The following MAP2 variants were observed in gnomAD, a reference collection of about 807,000 sequenced individuals.
MAP2 encodes microtubule-associated protein 2.
A neutral mutation model predicts 137.6 loss-of-function variants in MAP2; 14 were observed. The ratio of observed to expected loss-of-function variants is 0.10; its 90% confidence interval spans 0.07 to 0.16. MAP2 has a LOEUF of 0.16. MAP2 is among the 10% of genes least tolerant of loss of function. The pLI is 1.00. For missense variants in MAP2, 2,088 were observed against 2,191.5 expected (o/e 0.95, Z 0.94); for synonymous variants, 786 against 782.3 (o/e 1.00, Z -0.08).
chr2:209,530,608 A>G (rs910039629), intron 2 of MAP2, among the ~76,000 whole-genome samples: 2 of 152,146 alleles, frequency 1.3e-5, no homozygotes, highest in Non-Finnish European at 2.9e-5. Flanking sequence ...GAGGATGTGT[A>G]TTTTTCTCAG....
chr2:209,581,898 C>A (rs563240927), intron 3 of MAP2, among the ~76,000 whole-genome samples: 4 of 152,082 alleles, frequency 2.6e-5, no homozygotes, highest in African/African-American at 9.6e-5. Context: ...ATTCATCTAG[C>A]GGTATGCTGA....
chr2:209,601,104 G>C (rs186749845), intron 3 of MAP2, among the ~76,000 whole-genome samples: 2 of 152,126 alleles, frequency 1.3e-5, no homozygotes, highest in African/African-American at 4.8e-5. Flanking sequence ...GTGAAGAATG[G>C]TTGCCATATT....
At chr2:209,528,838 GTA>G (rs534039244) in intron 2 of MAP2, among the ~76,000 whole-genome samples, 307 of 145,110 alleles carry the variant, frequency 2.1e-3, no homozygotes, top group Middle Eastern at 3.7e-3. Context: ...ACATATGTAT[GTA>G]TATATATGTG....
intron 2 of MAP2, among the ~76,000 whole-genome samples, chr2:209,522,291 A>G (rs1349130734): frequency 6.6e-6 from 1 of 152,170 alleles, no homozygotes; most frequent in African/African-American, 2.4e-5. Flanking sequence ...AAATATGGCT[A>G]ATGCAAAACC....
At chr2:209,457,337 G>A (rs77022033) in intron 1 of MAP2, among the ~76,000 whole-genome samples, 13 of 152,140 alleles carry the variant, frequency 8.5e-5, no homozygotes, top group Non-Finnish European at 1.9e-4. Flanking sequence ...AGAGGTACTT[G>A]TTGACCTATG....
chr2:209,632,390 TAGA>T (rs1045465358), intron 4 of MAP2, among the ~76,000 whole-genome samples: 7 of 152,186 alleles, frequency 4.6e-5, no homozygotes, highest in African/African-American at 1.4e-4. Flanking sequence ...GAAGGATATT[TAGA>T]AGAAGGAATC....
chr2:209,474,875 A>G (rs1043590251), intron 1 of MAP2, among the ~76,000 whole-genome samples: 5 of 152,100 alleles, frequency 3.3e-5, no homozygotes, highest in African/African-American at 9.6e-5. Context: ...TCTCAATTCA[A>G]CAATATTATT....
chr2:209,725,640 C>A, intron 13 of MAP2, 69 bp from the exon 14 acceptor site: 1 of 968,974 alleles, frequency 1.0e-6, no homozygotes, highest in Non-Finnish European at 1.5e-6. Flanking sequence ...GTTTCTAGAT[C>A]TTATGTATGA....
intron 5 of MAP2, among the ~76,000 whole-genome samples, chr2:209,668,967 A>G (rs2047547336): frequency 1.3e-5 from 2 of 152,058 alleles, no homozygotes; most frequent in Admixed American, 1.3e-4. Context: ...ATATTCAGTT[A>G]TGATTTGAAA....
intron 3 of MAP2, among the ~76,000 whole-genome samples, chr2:209,603,917 T>C (rs899847909): frequency 9.2e-5 from 14 of 152,112 alleles, no homozygotes; most frequent in Non-Finnish European, 1.5e-4. Flanking sequence ...AGCCACAGTG[T>C]CCTACTTTTG....
At chr2:209,601,089 G>C (rs1189734241) in intron 3 of MAP2, among the ~76,000 whole-genome samples, 1 of 152,148 alleles carries the variant, frequency 6.6e-6, no homozygotes, top group Non-Finnish European at 1.5e-5. Context: ...TTACCTCATA[G>C]ACTTGTGAAG....
At chr2:209,563,963 T>G (rs2072794489) in intron 2 of MAP2, among the ~76,000 whole-genome samples, 1 of 152,228 alleles carries the variant, frequency 6.6e-6, no homozygotes. Flanking sequence ...TTTGTAGATC[T>G]TATTTAAAGC....
intron 2 of MAP2, among the ~76,000 whole-genome samples, chr2:209,536,988 A>AT (rs1161039610): frequency 2.0e-5 from 3 of 151,752 alleles, no homozygotes; most frequent in Non-Finnish European, 4.4e-5. Flanking sequence ...GTTTTATAGG[A>AT]TTTTTTTCTA....
rs185395530 is a variant in MAP2 at position 209,668,338 on chromosome 2, A to G, written c.263-10234A>G. On this transcript the variant is annotated intron_variant, in intron 5 of 15. Transcript: ENST00000682079. The stretch of plus-strand genomic sequence containing the variant: ...AAACAACATTGAAGCAAAATCATCA[A>G]TGTAAAATTTTATTTCAACAAACGC... Among the ~76,000 whole-genome samples the G allele has an allele frequency of 6.9e-4, 105 of 152,178 alleles. 1 individual carries two copies. The highest frequency in any genetic ancestry group is 1.0e-3 in the Non-Finnish European group (71 of 67,918).
At chr2:209,534,695 A>C (rs1045982946) in intron 2 of MAP2, among the ~76,000 whole-genome samples, 2 of 152,206 alleles carry the variant, frequency 1.3e-5, no homozygotes, top group Admixed American at 1.3e-4. Flanking sequence ...AGAACATAGA[A>C]TTATATAATC....
chr2:209,593,646 T>A (rs866177210), intron 3 of MAP2, among the ~76,000 whole-genome samples: 2,348 of 41,216 alleles, frequency 0.057, 297 homozygotes, highest in African/African-American at 0.088. Flanking sequence ...TATATATATA[T>A]ATATATATAT....
At chr2:209,522,851 CAA>C (rs1209930417) in intron 2 of MAP2, among the ~76,000 whole-genome samples, 1 of 152,110 alleles carries the variant, frequency 6.6e-6, no homozygotes, top group Non-Finnish European at 1.5e-5. Flanking sequence ...AGCACTGAAT[CAA>C]AGAGATGTCA....
intron 13 of MAP2, among the ~76,000 whole-genome samples, chr2:209,715,825 G>A (rs2067361915): frequency 6.6e-6 from 1 of 152,208 alleles, no homozygotes; most frequent in African/African-American, 2.4e-5. Flanking sequence ...TTTGAGTATA[G>A]AAAGTTTATG....
chr2:209,431,573 AGTACATATAAGTAAACTGGGACAGTG>A (rs1559152941), intron 1 of MAP2, among the ~76,000 whole-genome samples: 1 of 152,174 alleles, frequency 6.6e-6, no homozygotes, highest in African/African-American at 2.4e-5. Flanking sequence ...GAACCTGTGG[AGTACATATAAGTAAACTGGGACAGTG>A]ACCATTTAAG....
Sources: gnomAD v4.1 joint callset for allele counts (sites outside exome capture counted in the v4.1 genomes callset) on GRCh38, gnomAD v4.1.1 for gene constraint, MANE v1.5 for transcripts, NCBI Gene and HGNC (gene_info 2026-07-23, HGNC 2026-07-21) for gene names.